AZIN2: variants seen among roughly 807,000 people sequenced by gnomAD.
AZIN2 encodes the protein ODC antizyme inhibitor-2.
AZIN2 carries 28 observed loss-of-function variants against 47.8 expected under a neutral mutation model. That is an observed-to-expected ratio of 0.59 (90% CI 0.43 to 0.80). AZIN2 has a LOEUF of 0.80. AZIN2 is among the 30% of genes least tolerant of loss of function. The pLI is 0.00. For missense variants in AZIN2, 535 were observed against 582.5 expected, an observed-to-expected ratio of 0.92 and a Z score of 0.84; for synonymous variants, 221 against 239.4, an observed-to-expected ratio of 0.92 and a Z score of 0.71.
At position 33,121,585 on chromosome 1, in the gene AZIN2, GAAAT is replaced by G. The variant is rs145926741; in HGVS notation, c.*1415_*1418del. The stretch of plus-strand genomic sequence containing the variant: ...TGAGCGAGACCCTGCCTCAAATAAA[GAAAT>G]AAATAAATAAAGTGGAGAAGTTAGT... On this transcript the variant is annotated 3_prime_UTR_variant, in exon 12 of 12. Coordinates refer to ENST00000294517, the MANE Select transcript of AZIN2 (RefSeq NM_052998.4). Among the ~76,000 whole-genome samples the G allele has an allele frequency of 6.2e-3, 943 of 152,210 alleles. 5 individuals are homozygous for G. Among genetic ancestry groups the G allele is most frequent in the Middle Eastern group, 0.01 (3 of 294 alleles).
chr1:33,117,855 T>G (rs912256422), intron 10 of AZIN2, 47 bp from the exon 11 acceptor site: 2 of 1,605,574 alleles, frequency 1.2e-6, no homozygotes, highest in African/African-American at 2.7e-5. Flanking sequence ...GTGGCAAGGC[T>G]GTTGTATGCC....
intron 10 of AZIN2, 133 bp from the exon 11 acceptor site, chr1:33,117,768 TA>T: frequency 1.0e-6 from 1 of 985,284 alleles, no homozygotes. Context: ...GGAAGGGCCT[TA>T]AATGCTAAGC....
chr1:33,120,172 G>A lies in AZIN2; in HGVS notation c.1373G>A (p.Ser458Asn). The change falls in exon 12 of 12, where the codon AGC (serine) becomes AAC (asparagine). Residue 458 changes from serine (S) to asparagine (N), a missense_variant. Ser to Asn is a conservative substitution (Grantham distance 46). Coordinates refer to ENST00000294517, the MANE Select transcript of AZIN2 (RefSeq NM_052998.4). ...LCVGPVFTPA[S>N]IM is the part of the protein sequence containing the mutation. ...GTGGGCCCTGTCTTCACCCCAGCGAGCATCATGTGAGTGGGCCTCGTTCCC... is the reference window on the plus strand; with the variant it reads ...GTGGGCCCTGTCTTCACCCCAGCGAACATCATGTGAGTGGGCCTCGTTCCC... The A allele has an allele frequency of 6.2e-7, 1 of 1,605,854 alleles. No individual in the cohort carries two copies. The highest frequency in any genetic ancestry group is 2.2e-5 in the East Asian group (1 of 44,554).
the AZIN2 span, chr1:33,145,947 T>G: frequency 2.1e-6 from 1 of 470,748 alleles, no homozygotes; most frequent in Non-Finnish European, 4.4e-6. Context: ...TGTAAAAATT[T>G]AGATTTGGGA....
Position 33,118,472 on chromosome 1 carries a change from G to A in AZIN2, c.1244+356G>A, listed in dbSNP as rs150029262. 1,463 of 194,862 alleles carry A rather than the reference G, an allele frequency of 7.5e-3. 18 individuals carry two copies. Among genetic ancestry groups the A allele is most frequent in the African/African-American group, 0.032 (1,366 of 42,980 alleles). 12.1% of individuals were successfully genotyped at this position (194,862 alleles called of 1,614,324 possible). A position where few individuals can be genotyped will look rare whatever the true frequency, so the allele number is the denominator to read the frequency against. The stretch of plus-strand genomic sequence containing the variant: ...CAGAAGAAAGGAACGGAGAGCAAGT[G>A]TGGTGCATTCAAGGCTCGCATGGAG... On this transcript the variant is annotated intron_variant, in intron 11 of 11. Coordinates refer to ENST00000294517, the MANE Select transcript of AZIN2 (RefSeq NM_052998.4).
chr1:33,161,511 G>C, the AZIN2 span, among the ~76,000 whole-genome samples: 6 of 152,282 alleles, frequency 3.9e-5, no homozygotes, highest in African/African-American at 1.4e-4. The surrounding 1 kb of genome is among the most constrained non-coding windows in gnomAD (Gnocchi z 4.3). Flanking sequence ...CCCGACGCGC[G>C]GCTGCTGGCC....
At chr1:33,117,489 CAAT>C (rs772199377) in intron 10 of AZIN2, among the ~76,000 whole-genome samples, 144 of 152,316 alleles carry the variant, frequency 9.5e-4, no homozygotes, top group Non-Finnish European at 1.8e-3. Context: ...GCAATCACAA[CAAT>C]AAGTTACAAT....
intron 8 of AZIN2, among the ~76,000 whole-genome samples, chr1:33,095,208 A>G (rs777803443): frequency 1.4e-4 from 21 of 152,206 alleles, no homozygotes; most frequent in Non-Finnish European, 2.4e-4. Context: ...CTCTTCTTGG[A>G]AGGCGCCTCC....
At position 33,098,091 on chromosome 1, in the gene AZIN2, C is replaced by T. The variant is rs777135225; in HGVS notation, c.941C>T (p.Thr314Ile). 8.1e-6 allele frequency: 13 copies of T among 1,614,148 alleles called. No homozygotes were observed. In the East Asian group the frequency reaches 2.9e-4, roughly 36 times the overall value. ...GAGGAAAATGGTTCCACCTCCAAGACCATCGTGTACCACCTTGATGAGGGC... is the reference window on the plus strand; with the variant it reads ...GAGGAAAATGGTTCCACCTCCAAGATCATCGTGTACCACCTTGATGAGGGC... Reference protein sequence around the residue: ...REEENGSTSKTIVYHLDEGVY... With the variant: ...REEENGSTSKIIVYHLDEGVY... Residue 314 changes from threonine (T) to isoleucine (I), a missense_variant, in exon 10 of 12, where the codon ACC becomes ATC. Physicochemically the swap from Thr to Ile is moderately conservative, Grantham distance 89 (BLOSUM62 -1). This residue lies in a region of AZIN2 where 409 missense variants were observed against 429.0 expected (regional missense o/e 0.95). Transcript: ENST00000294517.
the AZIN2 span, among the ~76,000 whole-genome samples, chr1:33,150,619 T>A: frequency 6.6e-6 from 1 of 152,166 alleles, no homozygotes; most frequent in African/African-American, 2.4e-5. Context: ...GGACGGCCAC[T>A]GAGTTGGTGG....
At chr1:33,105,634 C>G (rs528585373) in intron 10 of AZIN2, among the ~76,000 whole-genome samples, 1 of 152,094 alleles carries the variant, frequency 6.6e-6, no homozygotes, top group Admixed American at 6.6e-5. Context: ...ATAGCATGGG[C>G]GAAACTGCCC....
chr1:33,164,585 CTGTT>C, the AZIN2 span: 16 of 152,348 alleles, frequency 1.1e-4, no homozygotes, highest in Non-Finnish European at 1.6e-4. Context: ...GTGGAAAAGT[CTGTT>C]TGTTTGTTTG....
At chr1:33,082,815 A>G (rs1393304608) in intron 4 of AZIN2, 1 of 161,790 alleles carries the variant, frequency 6.2e-6, no homozygotes, top group Admixed American at 5.6e-5. Context: ...CTACAGGATC[A>G]AGTCAGAGCT....
At position 33,098,168 on chromosome 1, in the gene AZIN2, A is replaced by C. The variant is rs769811342; in HGVS notation, c.1018A>C (p.Ile340Leu). 22 of 1,609,166 alleles carry C rather than the reference A, an allele frequency of 1.4e-5. No individual in the cohort carries two copies. Among genetic ancestry groups the C allele is most frequent in the Non-Finnish European group, 1.9e-5 (22 of 1,178,060 alleles). Residue 340 changes from isoleucine to leucine, a missense_variant, in exon 10 of 12, where the codon ATC becomes CTC. Physicochemically the swap from Ile to Leu is conservative, Grantham distance 5. This residue lies in a region of AZIN2 where 409 missense variants were observed against 429.0 expected (regional missense o/e 0.95). Transcript: ENST00000294517. ...VLFDNICPTP[I>L]LQKKPSTEQP... Reference sequence around the variant, plus strand: ...GTTTGACAACATCTGCCCTACCCCCATCCTGCAGAAGGTGAGCTTACCCCA... The same window carrying C: ...GTTTGACAACATCTGCCCTACCCCCCTCCTGCAGAAGGTGAGCTTACCCCA...
chr1:33,148,283 C>CT, the AZIN2 span, among the ~76,000 whole-genome samples: 2 of 152,164 alleles, frequency 1.3e-5, no homozygotes, highest in African/African-American at 4.8e-5. Flanking sequence ...GATGAAAAAT[C>CT]TTTTTTATAA....
chr1:33,159,851 G>A, the AZIN2 span: 1 of 1,613,436 alleles, frequency 6.2e-7, no homozygotes, highest in African/African-American at 1.3e-5. This position sits in a 1 kb window ranked among gnomAD's most constrained non-coding sequence, Gnocchi z 4.2. Context: ...TCCGCCTCCA[G>A]CTCCTCTAGC....
chr1:33,140,678 C>T, the AZIN2 span, among the ~76,000 whole-genome samples: 2 of 152,238 alleles, frequency 1.3e-5, no homozygotes, highest in Admixed American at 6.5e-5. The surrounding 1 kb of genome is among the most constrained non-coding windows in gnomAD (Gnocchi z 4.0). Flanking sequence ...CAGCAGCTGC[C>T]TGGGCTGGGC....
chr1:33,156,636 C>T, the AZIN2 span, among the ~76,000 whole-genome samples: 1 of 152,162 alleles, frequency 6.6e-6, no homozygotes, highest in Non-Finnish European at 1.5e-5. Context: ...TATCCGCCCC[C>T]ACTTCCTAGG....
intron 7 of AZIN2, among the ~76,000 whole-genome samples, chr1:33,093,917 G>C (rs548313817): frequency 1.1e-4 from 16 of 152,006 alleles, no homozygotes; most frequent in Non-Finnish European, 2.1e-4. Context: ...ATTTGTTGTA[G>C]AGATGGGGTC....
Sources: gnomAD v4.1 joint callset for allele counts (sites outside exome capture counted in the v4.1 genomes callset) on GRCh38, gnomAD v4.1.1 for gene constraint, gnomAD v4.1.1 regional missense constraint, Gnocchi (gnomAD v3.1) non-coding constraint, MANE v1.5 for transcripts, NCBI Gene and HGNC (gene_info 2026-07-23, HGNC 2026-07-21) for gene names.